CNTNAP2: variants seen among roughly 807,000 people sequenced by gnomAD.
CNTNAP2 encodes the protein contactin-associated protein-like 2.
In CNTNAP2, 98 loss-of-function variants were observed where a neutral mutation model predicts 155.2. The ratio of observed to expected loss-of-function variants is 0.63; its 90% CI spans 0.54 to 0.75. CNTNAP2 has a LOEUF of 0.75. CNTNAP2 is among the 30% of genes least tolerant of loss of function. The pLI, the probability that CNTNAP2 is intolerant of heterozygous loss-of-function variation, is 0.00. For missense variants in CNTNAP2, 1,727 were observed against 1,688.1 expected (o/e 1.02, Z -0.40); for synonymous variants, 651 against 631.2 (o/e 1.03, Z -0.47).
chr7:148,029,614 G>T (rs1358105342), intron 15 of CNTNAP2, among the ~76,000 whole-genome samples: 1 of 152,142 alleles, frequency 6.6e-6, no homozygotes, highest in African/African-American at 2.4e-5. Context: ...CCCTAGAATT[G>T]ATGGTTTCCA....
chr7:148,013,622 C>T (rs1192161316), intron 15 of CNTNAP2, among the ~76,000 whole-genome samples: 2 of 152,162 alleles, frequency 1.3e-5, no homozygotes, highest in Non-Finnish European at 2.9e-5. Flanking sequence ...GAATCATATG[C>T]CAACCCCAGG....
chr7:147,091,760 C>G (rs1344405826), intron 4 of CNTNAP2, among the ~76,000 whole-genome samples: 1 of 152,114 alleles, frequency 6.6e-6, no homozygotes, highest in East Asian at 1.9e-4. Context: ...TCCCCTCCAT[C>G]ATGCCCGGCT....
At chr7:146,640,544 G>A (rs1799687487) in intron 1 of CNTNAP2, among the ~76,000 whole-genome samples, 1 of 152,160 alleles carries the variant, frequency 6.6e-6, no homozygotes, top group Non-Finnish European at 1.5e-5. Flanking sequence ...ACATGAGGAG[G>A]GAAATTTAGC....
chr7:146,417,863 T>C (rs540060000), intron 1 of CNTNAP2, among the ~76,000 whole-genome samples: 1 of 152,324 alleles, frequency 6.6e-6, no homozygotes, highest in African/African-American at 2.4e-5. Context: ...AAGTTTTCAC[T>C]TATTCATTCA....
intron 14 of CNTNAP2, among the ~76,000 whole-genome samples, chr7:147,957,286 TTTC>T (rs1563148309): frequency 2.0e-4 from 31 of 152,244 alleles, no homozygotes; most frequent in Admixed American, 6.5e-4. Flanking sequence ...TGTTTGTTTG[TTTC>T]TCAAAGATGT....
At chr7:146,865,031 A>C (rs1795177012) in intron 3 of CNTNAP2, among the ~76,000 whole-genome samples, 1 of 150,974 alleles carries the variant, frequency 6.6e-6, no homozygotes, top group Non-Finnish European at 1.5e-5. Flanking sequence ...TTAACAAGGC[A>C]ACAGGTTATA....
intron 21 of CNTNAP2, among the ~76,000 whole-genome samples, chr7:148,370,185 C>T (rs1377571407): frequency 3.9e-5 from 6 of 152,156 alleles, no homozygotes; most frequent in Admixed American, 3.9e-4. Flanking sequence ...TGATTTGGCC[C>T]TTTCACAAAT....
chr7:147,135,945 T>C (rs1801469081), intron 8 of CNTNAP2, among the ~76,000 whole-genome samples: 2 of 151,732 alleles, frequency 1.3e-5, no homozygotes, highest in African/African-American at 4.8e-5. Context: ...ATTGGAAAAC[T>C]AAATTTGTCT....
rs188426368 is a variant in CNTNAP2 at position 146,316,105 on chromosome 7, A to G, written c.97+199132A>G. Among the ~76,000 whole-genome samples the G allele has an allele frequency of 5.0e-3, 762 of 152,306 alleles. 5 individuals carry two copies. Among genetic ancestry groups the G allele is most frequent in the Non-Finnish European group, 8.1e-3 (550 of 68,024 alleles). On this transcript the variant is annotated intron_variant, in intron 1 of 23. Coordinates refer to ENST00000361727, the MANE Select transcript of CNTNAP2 (RefSeq NM_014141.6). ...CTTTTTATTTCATTTTAAGTTAAAA[A>G]GGCCATTTGCCTTCTGTATTAATTA...
At chr7:147,887,943 G>A (rs1799627827) in intron 13 of CNTNAP2, among the ~76,000 whole-genome samples, 2 of 152,162 alleles carry the variant, frequency 1.3e-5, no homozygotes, top group African/African-American at 4.8e-5. Flanking sequence ...GAAAACTCAA[G>A]CTGAAAATAT....
chr7:147,334,920 C>T (rs1396362499), intron 9 of CNTNAP2, among the ~76,000 whole-genome samples: 1 of 152,166 alleles, frequency 6.6e-6, no homozygotes, highest in Non-Finnish European at 1.5e-5. Flanking sequence ...AATGTTTCTT[C>T]AGCGTTTGTT....
In CNTNAP2 at chr7:148,125,683, GTGTGTGTA is replaced by G. The variant is rs1468376459; in HGVS notation, c.2554+7397_2554+7404del. Among the ~76,000 whole-genome samples, 5 of 141,044 alleles carry G rather than the reference GTGTGTGTA, an allele frequency of 3.5e-5. No individual in the cohort carries two copies. In the East Asian group the frequency reaches 6.2e-4, roughly 18 times the overall value. The allele number at this position is 141,044 out of a possible 152,430, so 92.5% of individuals were successfully genotyped here. A position where few individuals can be genotyped will look rare whatever the true frequency, so the allele number is the denominator to read the frequency against. ...TGTGTGTGTGTGTGTGTGTGTGTGT[GTGTGTGTA>G]TATATATATAGTTTTTTTTTTTTTT... On this transcript the variant is annotated intron_variant, in intron 16 of 23. Transcript: ENST00000361727.
intron 1 of CNTNAP2, among the ~76,000 whole-genome samples, chr7:146,237,225 T>A (rs983908444): frequency 6.6e-6 from 1 of 152,096 alleles, no homozygotes; most frequent in Non-Finnish European, 1.5e-5. Context: ...CGGCAAAGAT[T>A]TCTGTAGGCA....
intron 13 of CNTNAP2, among the ~76,000 whole-genome samples, chr7:147,891,222 TG>T (rs200254876): frequency 0.022 from 3,102 of 143,086 alleles, 114 homozygotes; most frequent in East Asian, 0.18. Context: ...TTTTTTTTTT[TG>T]AGACGGAGTC....
At chr7:147,562,375 C>T in intron 12 of CNTNAP2, 118 bp downstream of exon 12, 6 of 1,251,478 alleles carry the variant, frequency 4.8e-6, no homozygotes, top group Non-Finnish European at 6.9e-6. Flanking sequence ...TAATCAGCAA[C>T]ATATTGCTGG....
chr7:148,209,000 A>G (rs779084143), intron 18 of CNTNAP2, among the ~76,000 whole-genome samples: 1 of 152,110 alleles, frequency 6.6e-6, no homozygotes, highest in South Asian at 2.1e-4. Flanking sequence ...AATTCTATCC[A>G]TGCTTGCATT....
intron 14 of CNTNAP2, among the ~76,000 whole-genome samples, chr7:147,964,644 C>T (rs11771882): frequency 0.025 from 3,814 of 152,164 alleles, 67 homozygotes; most frequent in Middle Eastern, 0.048. Context: ...TTACATAGCC[C>T]AATAGGTGTA....
intron 1 of CNTNAP2, among the ~76,000 whole-genome samples, chr7:146,250,125 G>T (rs1460678193): frequency 3.3e-5 from 5 of 152,066 alleles, no homozygotes; most frequent in Non-Finnish European, 7.4e-5. Context: ...TATCATCAGG[G>T]TAACACCTTC....
At chr7:147,754,363 C>A (rs1367262274) in intron 13 of CNTNAP2, among the ~76,000 whole-genome samples, 2 of 152,156 alleles carry the variant, frequency 1.3e-5, no homozygotes, top group African/African-American at 4.8e-5. Context: ...AGAAATTGTT[C>A]TTTGGACTAA....
Sources: gnomAD v4.1 joint callset for allele counts (sites outside exome capture counted in the v4.1 genomes callset) on GRCh38, gnomAD v4.1.1 for gene constraint, MANE v1.5 for transcripts, NCBI Gene and HGNC (gene_info 2026-07-23, HGNC 2026-07-21) for gene names.